The following PARD3B variants were observed in gnomAD, a reference collection of about 807,000 sequenced individuals.
PARD3B encodes the protein partitioning defective 3 homolog B.
Under a neutral mutation model 130.2 loss-of-function variants are expected in PARD3B, and 103 were observed. The ratio of observed to expected loss-of-function variants is 0.79; its 90% CI spans 0.67 to 0.93. The LOEUF (loss-of-function observed/expected upper bound fraction) is 0.93, where lower values mean the gene tolerates loss of function less well. Ranked by LOEUF, PARD3B falls within the 40% of genes least tolerant of loss-of-function variation. The pLI is 0.00. For missense variants in PARD3B, 1,609 were observed against 1,499.2 expected (o/e 1.07, Z -1.21); for synonymous variants, 583 against 553.2 (o/e 1.05, Z -0.76).
intron 4 of PARD3B, among the ~76,000 whole-genome samples, chr2:205,102,164 T>A (rs1256511553): frequency 6.6e-6 from 1 of 152,100 alleles, no homozygotes; most frequent in Non-Finnish European, 1.5e-5. Flanking sequence ...TACTTCTAAA[T>A]CTCTGGCTCA....
In PARD3B at chr2:204,902,558, G is replaced by A. The variant is rs188054070; in HGVS notation, c.223-62594G>A. ...GTGGCGGGCGCCTGCAGTCCCAGCTGCTCGGGAGGCTGAGGCAGGAGAATG... is the reference window on the plus strand; with the variant it reads ...GTGGCGGGCGCCTGCAGTCCCAGCTACTCGGGAGGCTGAGGCAGGAGAATG... On this transcript the variant is annotated intron_variant, in intron 2 of 22. Transcript: ENST00000406610. Among the ~76,000 whole-genome samples, 6 of 151,438 alleles carry A rather than the reference G, an allele frequency of 4.0e-5. No homozygotes were observed. The East Asian group carries it at 5.9e-4, about 15-fold the overall frequency.
intron 18 of PARD3B, among the ~76,000 whole-genome samples, chr2:205,334,187 T>A (rs1055925128): frequency 5.3e-5 from 8 of 152,194 alleles, no homozygotes; most frequent in Non-Finnish European, 1.5e-5. Context: ...ATCTCTTCAG[T>A]TTATAACTGT....
intron 20 of PARD3B, among the ~76,000 whole-genome samples, chr2:205,478,169 C>T (rs1285211675): frequency 3.3e-5 from 5 of 152,200 alleles, no homozygotes; most frequent in Non-Finnish European, 5.9e-5. Context: ...CTAGCACTGT[C>T]TGTACTTCAG....
intron 2 of PARD3B, among the ~76,000 whole-genome samples, chr2:204,840,275 G>C (rs1413080826): frequency 3.3e-5 from 5 of 152,132 alleles, no homozygotes; most frequent in African/African-American, 1.2e-4. Context: ...GGTAGCTGTA[G>C]AGAAATAATT....
At chr2:205,266,636 C>A (rs1315629951) in intron 16 of PARD3B, among the ~76,000 whole-genome samples, 1 of 152,060 alleles carries the variant, frequency 6.6e-6, no homozygotes, top group Non-Finnish European at 1.5e-5. Context: ...ATTCTTGTGT[C>A]TCTTTTGACC....
At chr2:204,578,015 G>GCATCTGTT (rs2032358657) in intron 1 of PARD3B, among the ~76,000 whole-genome samples, 1 of 152,204 alleles carries the variant, frequency 6.6e-6, no homozygotes, top group African/African-American at 2.4e-5. Context: ...GGTACTTTTG[G>GCATCTGTT]CATCTGTTAG....
At chr2:205,046,465 C>T (rs970867251) in intron 3 of PARD3B, among the ~76,000 whole-genome samples, 114 of 143,624 alleles carry the variant, frequency 7.9e-4, no homozygotes, top group Non-Finnish European at 1.5e-3. Context: ...ATGTTAATTT[C>T]TTATCATGAA....
chr2:204,660,048 G>A lies in PARD3B; in HGVS notation c.121-26133G>A, dbSNP rs78172638. Among the ~76,000 whole-genome samples the A allele has an allele frequency of 8.1e-3, 1,228 of 152,218 alleles. 17 individuals are homozygous for A. Among genetic ancestry groups the A allele is most frequent in the African/African-American group, 0.028 (1,166 of 41,540 alleles). ...CAGATAATTCACCTCAACCTCAGAT[G>A]TCCAGGCAAGACGAACAGAGGTGTG... On this transcript the variant is annotated intron_variant, in intron 1 of 22. Transcript: ENST00000406610.
rs72942287 is a variant in PARD3B at position 205,340,844 on chromosome 2, C to G, written c.2630+39143C>G. On this transcript the variant is annotated intron_variant, in intron 18 of 22. Coordinates refer to ENST00000406610, the MANE Select transcript of PARD3B (RefSeq NM_001302769.2). ...TGGGTGAAAATATTTACAAACTGTTCATCCAACAAGAAACTAATATCCGGA... is the reference window on the plus strand; with the variant it reads ...TGGGTGAAAATATTTACAAACTGTTGATCCAACAAGAAACTAATATCCGGA... Among the ~76,000 whole-genome samples the G allele has an allele frequency of 3.9e-3, 592 of 152,112 alleles. 1 individual carries two copies. The highest frequency in any genetic ancestry group is 0.01 in the Middle Eastern group (3 of 294).
chr2:204,970,080 A>G (rs1240500165), intron 3 of PARD3B, among the ~76,000 whole-genome samples: 1 of 152,132 alleles, frequency 6.6e-6, no homozygotes, highest in Non-Finnish European at 1.5e-5. Context: ...AAGACAAATT[A>G]GTGAGGAAAA....
chr2:205,062,189 TGTA>T (rs1294263120), intron 4 of PARD3B, among the ~76,000 whole-genome samples: 1 of 151,970 alleles, frequency 6.6e-6, no homozygotes, highest in Non-Finnish European at 1.5e-5. Flanking sequence ...CAAGCAGAAG[TGTA>T]GTATTTTTTT....
chr2:205,103,849 G>A (rs1169857348), intron 4 of PARD3B: 6 of 576,534 alleles, frequency 1.0e-5, no homozygotes, highest in Non-Finnish European at 4.4e-6. Context: ...GTGGGAGCCT[G>A]TTTACAATTT....
intron 20 of PARD3B, among the ~76,000 whole-genome samples, chr2:205,479,332 T>C (rs930787550): frequency 6.6e-6 from 1 of 152,138 alleles, no homozygotes; most frequent in Non-Finnish European, 1.5e-5. Flanking sequence ...ATTGAACACA[T>C]CCTAGGTGAG....
At chr2:204,607,186 A>G (rs1302860979) in intron 1 of PARD3B, among the ~76,000 whole-genome samples, 1 of 152,212 alleles carries the variant, frequency 6.6e-6, no homozygotes, top group Non-Finnish European at 1.5e-5. Context: ...GATAATATTC[A>G]GTGCCTCAAA....
chr2:204,831,338 A>T (rs1015921736), intron 2 of PARD3B, among the ~76,000 whole-genome samples: 5 of 152,252 alleles, frequency 3.3e-5, no homozygotes, highest in Non-Finnish European at 7.3e-5. Flanking sequence ...TTATTACTGC[A>T]TCTAAAAATG....
chr2:205,168,214 C>T (rs1008091169), intron 11 of PARD3B, among the ~76,000 whole-genome samples: 4 of 148,380 alleles, frequency 2.7e-5, no homozygotes, highest in African/African-American at 7.5e-5. Context: ...ATGCCAGAAG[C>T]GGGGAACATA....
chr2:205,203,645 C>T (rs2037115249), intron 15 of PARD3B, among the ~76,000 whole-genome samples: 1 of 152,018 alleles, frequency 6.6e-6, no homozygotes, highest in Admixed American at 6.6e-5. Flanking sequence ...ATGTTCCTCT[C>T]CCTGTGTCCA....
chr2:204,820,830 A>AAAAC (rs57515426), intron 2 of PARD3B, among the ~76,000 whole-genome samples: 148,304 of 151,834 alleles, frequency 0.98, 72,524 homozygotes, highest in Non-Finnish European at 1. Flanking sequence ...AACAAAAACA[A>AAAAC]AAACAAACAA....
rs1475004375 is a variant in PARD3B at position 204,967,478 on chromosome 2, A to AACG, written c.394+2158_394+2160dup. Among the ~76,000 whole-genome samples the AACG allele has an allele frequency of 6.6e-6, 1 of 152,156 alleles. No individual in the cohort carries two copies. The highest frequency in any genetic ancestry group is 1.5e-5 in the Non-Finnish European group (1 of 68,028). On this transcript the variant is annotated intron_variant, in intron 3 of 22. Transcript: ENST00000406610. This position sits in a 1 kb window ranked among gnomAD's most constrained non-coding sequence, Gnocchi z 4.4. ...ATTATGTAATATAACTCCCCTGCTT[A>AACG]ACGACCTTCACTGGCTTCCCATCAC...
Sources: gnomAD v4.1 joint callset for allele counts (sites outside exome capture counted in the v4.1 genomes callset) on GRCh38, gnomAD v4.1.1 for gene constraint, Gnocchi (gnomAD v3.1) non-coding constraint, MANE v1.5 for transcripts, NCBI Gene and HGNC (gene_info 2026-07-23, HGNC 2026-07-21) for gene names.